DYDC1: variants seen among roughly 807,000 people sequenced by gnomAD.
DYDC1 encodes the protein DPY30 domain containing 1.
In DYDC1, 21 loss-of-function variants were observed where a neutral mutation model predicts 27.9. The ratio of observed to expected loss-of-function variants is 0.75; its 90% CI spans 0.53 to 1.08. The LOEUF (loss-of-function observed/expected upper bound fraction) is 1.08, where lower values mean the gene tolerates loss of function less well. Ranked by LOEUF, DYDC1 falls within the 50% of genes least tolerant of loss-of-function variation. DYDC1 has a pLI of 0.00. For missense variants in DYDC1, 202 were observed against 205.9 expected, an observed-to-expected ratio of 0.98 and a Z score of 0.12; for synonymous variants, 67 against 65.8, an observed-to-expected ratio of 1.02 and a Z score of -0.09.
chr10:80,343,069 A>C (rs1351350706), intron 3 of DYDC1, among the ~76,000 whole-genome samples: 1 of 152,246 alleles, frequency 6.6e-6, no homozygotes, highest in African/African-American at 2.4e-5. Flanking sequence ...AACTCAGCAT[A>C]TCTGTCACAC....
intron 3 of DYDC1, among the ~76,000 whole-genome samples, chr10:80,343,975 G>A (rs1419046067): frequency 6.6e-6 from 1 of 152,010 alleles, no homozygotes; most frequent in Non-Finnish European, 1.5e-5. Context: ...AAAAAATTAC[G>A]CGTGGTAGCA....
At chr10:80,341,659 G>A (rs1842322997) in intron 4 of DYDC1, among the ~76,000 whole-genome samples, 1 of 151,804 alleles carries the variant, frequency 6.6e-6, no homozygotes, top group Admixed American at 6.6e-5. Context: ...AAATGTTGAG[G>A]GTATCACTAT....
chr10:80,346,213 A>C (rs1458009242), intron 3 of DYDC1, among the ~76,000 whole-genome samples: 3 of 152,180 alleles, frequency 2.0e-5, no homozygotes, highest in Admixed American at 2.0e-4. Context: ...TGGCTATTGT[A>C]AATAATGCTG....
In DYDC1 at chr10:80,338,551, G is replaced by A; in HGVS notation, c.420C>T (p.Gly140=). The A allele has an allele frequency of 6.2e-7, 1 of 1,606,988 alleles. No homozygotes were observed. The highest frequency in any genetic ancestry group is 8.5e-7 in the Non-Finnish European group (1 of 1,177,384). The change falls in exon 6 of 7, where the codon GGC becomes GGT. Residue 140 remains glycine (G), a synonymous_variant. Transcript: ENST00000372202. ...LHSEEATLDS[G]KTLAEISDRY... is the part of the protein sequence containing the mutation. ...GATCGCTGATTTCAGCTAGTGTTTT[G>A]CCTGAGTCTAGTGTTGCTTCCTACA...
chr10:80,348,137 T>C (rs1042659615), intron 3 of DYDC1, among the ~76,000 whole-genome samples: 3 of 152,228 alleles, frequency 2.0e-5, no homozygotes, highest in Non-Finnish European at 2.9e-5. Flanking sequence ...TTTGCATTAG[T>C]GTTTTACAGT....
chr10:80,337,402 G>A (rs1307357487), intron 6 of DYDC1: 1 of 985,306 alleles, frequency 1.0e-6, no homozygotes, highest in Non-Finnish European at 1.2e-6. Context: ...AACAGCTCTT[G>A]AAAACAACAT....
chr10:80,336,174 G>T lies in DYDC1; in HGVS notation c.516C>A (p.Asn172Lys). 1 of 1,563,536 alleles carries T rather than the reference G, an allele frequency of 6.4e-7. No homozygotes were observed. The highest frequency in any genetic ancestry group is 1.4e-5 in the African/African-American group (1 of 72,592). ...GTTGGTCCTACAAATCTTGATCAATGTTTAATGCAATCTAAAAGCAAAACA... is the reference window on the plus strand; with the variant it reads ...GTTGGTCCTACAAATCTTGATCAATTTTTAATGCAATCTAAAAGCAAAACA... ...DEPMFSDIAL[N>K]IDQDL The change falls in exon 7 of 7, where the codon AAC (asparagine) becomes AAA (lysine). Residue 172 changes from asparagine (N) to lysine (K), a missense_variant. Physicochemically the swap from Asn to Lys is moderately conservative, Grantham distance 94 (BLOSUM62 0). Transcript: ENST00000372202.
chr10:80,354,623 G>T (rs1564668475), intron 1 of DYDC1: 2 of 152,142 alleles, frequency 1.3e-5, no homozygotes, highest in Non-Finnish European at 2.9e-5. Context: ...CCAATGTGAT[G>T]GTATTAGGAG....
intron 3 of DYDC1, among the ~76,000 whole-genome samples, chr10:80,346,296 G>C (rs1411484570): frequency 6.6e-6 from 1 of 152,126 alleles, no homozygotes; most frequent in Non-Finnish European, 1.5e-5. Flanking sequence ...ACTGAGAAGA[G>C]GAATTACTGG....
At chr10:80,342,472 CT>C in intron 3 of DYDC1, 111 bp from the exon 4 acceptor site, 1 of 925,994 alleles carries the variant, frequency 1.1e-6, no homozygotes, top group Non-Finnish European at 1.6e-6. Flanking sequence ...CCAACTAATA[CT>C]TTAGTTTCTA....
At chr10:80,336,705 T>A (rs143735295) in intron 6 of DYDC1, among the ~76,000 whole-genome samples, 9 of 152,354 alleles carry the variant, frequency 5.9e-5, no homozygotes, top group African/African-American at 1.7e-4. Flanking sequence ...CTTCCTCTTA[T>A]GTTCATCAAC....
At chr10:80,355,283 C>T (rs1843293049) in intron 1 of DYDC1, among the ~76,000 whole-genome samples, 1 of 151,558 alleles carries the variant, frequency 6.6e-6, no homozygotes, top group African/African-American at 2.4e-5. Flanking sequence ...ATCCTGGGGT[C>T]CGTCCATAAC....
chr10:80,344,235 A>G (rs1426723550), intron 3 of DYDC1, among the ~76,000 whole-genome samples: 1 of 152,248 alleles, frequency 6.6e-6, no homozygotes, highest in Admixed American at 6.5e-5. Context: ...TATGAAAGCA[A>G]GGAAAGATAT....
intron 1 of DYDC1, 136 bp downstream of exon 1, chr10:80,356,576 A>C (rs1843381194): frequency 1.0e-6 from 1 of 985,390 alleles, no homozygotes; most frequent in Non-Finnish European, 1.2e-6. Context: ...CCAGGCGCGA[A>C]GCGGCCTCTC....
At chr10:80,347,520 T>C (rs1842742169) in intron 3 of DYDC1, among the ~76,000 whole-genome samples, 1 of 152,202 alleles carries the variant, frequency 6.6e-6, no homozygotes, top group Non-Finnish European at 1.5e-5. Context: ...AAAAAATTAT[T>C]GCCAAGACCA....
At position 80,352,454 on chromosome 10, in the gene DYDC1, C is replaced by A. The variant is rs780011484; in HGVS notation, c.147+1G>T. On this transcript the variant is annotated splice_donor_variant, in intron 2 of 6. Transcript: ENST00000372202. LOFTEE classifies it high-confidence loss of function. ...TTTCCTAGAAGGAGATTCCTACTTA[C>A]CAGTTGTTCCATGGTCACATTTTCC... 6.3e-7 allele frequency: 1 copy of A among 1,595,060 alleles called. No individual in the cohort carries two copies. Among genetic ancestry groups the A allele is most frequent in the Non-Finnish European group, 8.5e-7 (1 of 1,172,718 alleles).
Position 80,352,477 on chromosome 10 carries a change from T to A in DYDC1, c.125A>T (p.Glu42Val). ...YLALWIYKYKENVTMEQLRQK... is the reference protein window; with the variant it reads ...YLALWIYKYKVNVTMEQLRQK... ...TACCAGTTGTTCCATGGTCACATTT[T>A]CCTTATACTTGTAAATCCACAATGC... is the stretch of plus-strand genomic sequence containing the variant. The change falls in exon 2 of 7, where the codon GAA becomes GTA. Residue 42 changes from glutamate to valine, a missense_variant. Glu to Val is a moderately radical substitution (Grantham distance 121, BLOSUM62 -2). Coordinates refer to ENST00000372202, the MANE Select transcript of DYDC1 (RefSeq NM_001269053.2). 6.2e-7 allele frequency: 1 copy of A among 1,608,910 alleles called. No homozygotes were observed. Among genetic ancestry groups the A allele is most frequent in the Non-Finnish European group, 8.5e-7 (1 of 1,178,124 alleles).
In DYDC1 at chr10:80,338,490, G is replaced by A. The variant is rs1049271411; in HGVS notation, c.481C>T (p.Leu161Phe). The A allele has an allele frequency of 1.2e-6, 2 of 1,613,128 alleles. No homozygotes were observed. The highest frequency in any genetic ancestry group is 1.7e-5 in the Admixed American group (1 of 59,776). The part of the protein sequence containing the change: ...GAPNLSRVEE[L>F]DEPMFSDIAL... ...ACATCAGAAAACATTGGTTCATCAA[G>A]TTCTTCCACTCTGCTCAAGTTAGGT... is the stretch of plus-strand genomic sequence containing the variant. Residue 161 changes from leucine (L) to phenylalanine (F), a missense_variant, in exon 6 of 7, where the codon CTT becomes TTT. Transcript: ENST00000372202.
At chr10:80,356,059 A>T (rs1843349210) in intron 1 of DYDC1, among the ~76,000 whole-genome samples, 1 of 151,486 alleles carries the variant, frequency 6.6e-6, no homozygotes, top group Admixed American at 6.6e-5. Context: ...GAAGGGAGGA[A>T]GGGGACCATT....
Sources: gnomAD v4.1 joint callset for allele counts (sites outside exome capture counted in the v4.1 genomes callset) on GRCh38, gnomAD v4.1.1 for gene constraint, MANE v1.5 for transcripts, NCBI Gene and HGNC (gene_info 2026-07-23, HGNC 2026-07-21) for gene names.